Variants in MELK observed in about 807,000 individuals in gnomAD.
The protein encoded by MELK is pEg3 kinase.
In MELK, 81 loss-of-function variants were observed where a neutral mutation model predicts 85.0. That is an observed-to-expected ratio of 0.95 (90% CI 0.80 to 1.15). The LOEUF (loss-of-function observed/expected upper bound fraction) is 1.15, where lower values mean the gene tolerates loss of function less well. Ranked by LOEUF, MELK falls within the 50% of genes most tolerant of loss-of-function variation. MELK has a pLI of 0.00. For synonymous variants in MELK, 252 were observed against 265.0 expected (o/e 0.95, Z 0.48); for missense variants, 754 against 777.5 (o/e 0.97, Z 0.36).
At chr9:36,665,267 A>C in intron 13 of MELK, 83 bp from the exon 14 acceptor site, 3 of 738,652 alleles carry the variant, frequency 4.1e-6, no homozygotes, top group Non-Finnish European at 6.9e-6. Context: ...AGTACAAGGT[A>C]GTTTGCAAAT....
intron 2 of MELK, 44 bp from the exon 3 acceptor site, chr9:36,583,583 C>T (rs1822494305): frequency 7.5e-7 from 1 of 1,325,446 alleles, no homozygotes; most frequent in Non-Finnish European, 1.1e-6. Context: ...GGTGTTTGTG[C>T]CTGAGTCCTT....
At chr9:36,575,430 G>A (rs925772793) in intron 1 of MELK, among the ~76,000 whole-genome samples, 16 of 152,170 alleles carry the variant, frequency 1.1e-4, no homozygotes, top group African/African-American at 3.6e-4. Context: ...TACAAATCAA[G>A]TATAATCTGC....
intron 7 of MELK, among the ~76,000 whole-genome samples, chr9:36,605,130 G>A (rs1259090134): frequency 6.6e-6 from 1 of 152,026 alleles, no homozygotes; most frequent in Non-Finnish European, 1.5e-5. Flanking sequence ...TACTTCAGGT[G>A]ATCTGCCTAC....
chr9:36,659,925 A>G (rs1193157794), intron 13 of MELK, among the ~76,000 whole-genome samples: 1 of 152,006 alleles, frequency 6.6e-6, no homozygotes, highest in African/African-American at 2.4e-5. Flanking sequence ...TCAGCCTCCC[A>G]TGGAGCTGGG....
chr9:36,667,020 G>C (rs1445159412), intron 14 of MELK, among the ~76,000 whole-genome samples: 1 of 151,946 alleles, frequency 6.6e-6, no homozygotes, highest in East Asian at 1.9e-4. Context: ...CCCAATGAAA[G>C]GGTCTCTTTC....
chr9:36,588,209 A>G (rs1823149032), intron 3 of MELK, among the ~76,000 whole-genome samples: 1 of 149,124 alleles, frequency 6.7e-6, no homozygotes, highest in Admixed American at 6.7e-5. Flanking sequence ...GACATGCGCC[A>G]CCATGCCCGG....
chr9:36,616,718 T>C (rs1483234562), intron 8 of MELK, among the ~76,000 whole-genome samples: 2 of 152,110 alleles, frequency 1.3e-5, no homozygotes, highest in Admixed American at 6.6e-5. Flanking sequence ...AGGCAATCAT[T>C]GCTATCACGT....
At chr9:36,594,910 C>A in intron 5 of MELK, 139 bp downstream of exon 5, 268 of 571,218 alleles carry the variant, frequency 4.7e-4, no homozygotes, top group Non-Finnish European at 6.4e-4. Flanking sequence ...TATCAGATTT[C>A]TTTTTTCCTC....
intron 10 of MELK, among the ~76,000 whole-genome samples, chr9:36,642,459 C>T (rs924425070): frequency 7.7e-6 from 1 of 130,296 alleles, no homozygotes; most frequent in Non-Finnish European, 1.6e-5. Context: ...GACAGAGTCT[C>T]GCTCTGTTGC....
chr9:36,612,433 TGGAGTGCAGTGGC>T (rs1248682305), intron 8 of MELK, among the ~76,000 whole-genome samples: 1 of 152,188 alleles, frequency 6.6e-6, no homozygotes, highest in African/African-American at 2.4e-5. Flanking sequence ...TTGCCCAGGC[TGGAGTGCAGTGGC>T]GCCATCTTGG....
intron 7 of MELK, among the ~76,000 whole-genome samples, chr9:36,604,351 TCACTGCAAC>T (rs1031550116): frequency 1.6e-4 from 22 of 137,192 alleles, no homozygotes; most frequent in Non-Finnish European, 2.3e-4. Flanking sequence ...CAATCTCGGC[TCACTGCAAC>T]CTCTGCCTCC....
intron 1 of MELK, among the ~76,000 whole-genome samples, chr9:36,578,409 A>G (rs999444256): frequency 1.4e-4 from 22 of 152,000 alleles, no homozygotes; most frequent in African/African-American, 5.1e-4. Flanking sequence ...TTCTCCGTCT[A>G]TTTCTTTGTG....
rs1364823984 is a variant in MELK at position 36,597,207 on chromosome 9, T to C, written c.406-15T>C. 1.2e-6 allele frequency: 2 copies of C among 1,602,648 alleles called. No homozygotes were observed. The highest frequency in any genetic ancestry group is 8.6e-7 in the Non-Finnish European group (1 of 1,169,550). ...AAGTCAGTATACAGTTATCAAAATA[T>C]CTTTGTTTTCCCAGGAAAATTTGCT... On this transcript the variant is annotated splice_polypyrimidine_tract_variant and intron_variant, in intron 5 of 17. Coordinates refer to ENST00000298048, the MANE Select transcript of MELK (RefSeq NM_014791.4).
chr9:36,620,740 G>A (rs1376422831), intron 8 of MELK, among the ~76,000 whole-genome samples: 1 of 151,362 alleles, frequency 6.6e-6, no homozygotes, highest in Non-Finnish European at 1.5e-5. Flanking sequence ...TAGTAGAGAC[G>A]GGGTTTCACC....
At chr9:36,653,169 C>A (rs1830882021) in intron 12 of MELK, among the ~76,000 whole-genome samples, 1 of 152,032 alleles carries the variant, frequency 6.6e-6, no homozygotes, top group East Asian at 1.9e-4. Context: ...TTTTTTGAAA[C>A]AAAGTCTTGC....
chr9:36,623,166 C>T (rs1827601266), intron 8 of MELK, among the ~76,000 whole-genome samples: 1 of 152,152 alleles, frequency 6.6e-6, no homozygotes, highest in South Asian at 2.1e-4. Flanking sequence ...CAAGTAGTGA[C>T]AATTCAGAAT....
intron 8 of MELK, among the ~76,000 whole-genome samples, chr9:36,610,252 C>T (rs1457155837): frequency 1.3e-5 from 2 of 152,158 alleles, no homozygotes; most frequent in African/African-American, 4.8e-5. Flanking sequence ...GGCTTGTTGC[C>T]CACTCCATAG....
chr9:36,577,514 TCAAA>T (rs780154586), intron 1 of MELK, among the ~76,000 whole-genome samples: 18 of 150,424 alleles, frequency 1.2e-4, no homozygotes, highest in Admixed American at 4.7e-4. Flanking sequence ...AGACTCCATC[TCAAA>T]CAAACAAACA....
At chr9:36,600,636 C>T (rs1824824698) in intron 7 of MELK, among the ~76,000 whole-genome samples, 2 of 152,186 alleles carry the variant, frequency 1.3e-5, no homozygotes, top group South Asian at 2.1e-4. Flanking sequence ...CCGCCTGCCT[C>T]GGCCTCCCAA....
Sources: gnomAD v4.1 joint callset for allele counts (sites outside exome capture counted in the v4.1 genomes callset) on GRCh38, gnomAD v4.1.1 for gene constraint, MANE v1.5 for transcripts, NCBI Gene and HGNC (gene_info 2026-07-23, HGNC 2026-07-21) for gene names.